Variants in EPHA5 observed in about 807,000 individuals in gnomAD.
EPHA5 encodes the protein EPH receptor A5.
A neutral mutation model predicts 105.0 loss-of-function variants in EPHA5; 60 were observed. That is an observed-to-expected ratio of 0.57 (90% CI 0.46 to 0.71). EPHA5 has a LOEUF of 0.71. EPHA5 is among the 30% of genes least tolerant of loss of function. The pLI, the probability that EPHA5 is intolerant of heterozygous loss-of-function variation, is 0.00. For synonymous variants in EPHA5, 513 were observed against 449.1 expected, an observed-to-expected ratio of 1.14 and a Z score of -1.80; for missense variants, 1,218 against 1,274.7, an observed-to-expected ratio of 0.96 and a Z score of 0.68.
chr4:65,442,010 T>C (rs1434179104), intron 5 of EPHA5, among the ~76,000 whole-genome samples: 5 of 152,156 alleles, frequency 3.3e-5, no homozygotes, highest in Admixed American at 6.6e-5. Context: ...AAGACTTAGA[T>C]GCTATTATTA....
intron 1 of EPHA5, among the ~76,000 whole-genome samples, chr4:65,654,787 T>C (rs986982669): frequency 5.4e-5 from 8 of 147,298 alleles, no homozygotes; most frequent in Non-Finnish European, 9.0e-5. Context: ...ATAGTTTCAT[T>C]CTGTTATAAA....
chr4:65,654,923 G>T (rs1409406638), intron 1 of EPHA5, among the ~76,000 whole-genome samples: 1 of 146,458 alleles, frequency 6.8e-6, no homozygotes, highest in Non-Finnish European at 1.5e-5. Context: ...TTATATGTAT[G>T]TATATAAGCT....
At chr4:65,460,846 G>A (rs1180040966) in intron 5 of EPHA5, among the ~76,000 whole-genome samples, 4 of 151,632 alleles carry the variant, frequency 2.6e-5, no homozygotes, top group Non-Finnish European at 5.9e-5. Flanking sequence ...GGGAGATAGA[G>A]AATTATTTTA....
intron 2 of EPHA5, among the ~76,000 whole-genome samples, chr4:65,628,678 T>G (rs1746360651): frequency 6.6e-6 from 1 of 152,148 alleles, no homozygotes; most frequent in South Asian, 2.1e-4. Flanking sequence ...CTAGAGAAGT[T>G]TGTTTAATGA....
intron 3 of EPHA5, among the ~76,000 whole-genome samples, chr4:65,509,073 G>A (rs1346723013): frequency 6.6e-6 from 1 of 152,056 alleles, no homozygotes; most frequent in African/African-American, 2.4e-5. Flanking sequence ...GGCTAATGAA[G>A]TTCATTTGGT....
At chr4:65,602,487 T>C (rs1014978737) in intron 2 of EPHA5, among the ~76,000 whole-genome samples, 183 bp from the exon 3 acceptor site, 1 of 152,186 alleles carries the variant, frequency 6.6e-6, no homozygotes, top group East Asian at 1.9e-4. Flanking sequence ...ATTTTTATTG[T>C]AATTTTTAAA....
intron 5 of EPHA5, among the ~76,000 whole-genome samples, chr4:65,468,808 A>C (rs538904655): frequency 1.7e-3 from 257 of 151,036 alleles, no homozygotes; most frequent in Non-Finnish European, 2.7e-3. Flanking sequence ...ACTAACACAA[A>C]ATTACACAAA....
At chr4:65,647,461 G>C (rs1038186866) in intron 1 of EPHA5, among the ~76,000 whole-genome samples, 1 of 151,396 alleles carries the variant, frequency 6.6e-6, no homozygotes, top group African/African-American at 2.4e-5. Context: ...TAGTCACTAA[G>C]TATCTTCTGT....
intron 2 of EPHA5, among the ~76,000 whole-genome samples, chr4:65,616,672 A>C: frequency 6.6e-6 from 1 of 152,048 alleles, no homozygotes; most frequent in East Asian, 1.9e-4. Context: ...GAGGCAGACT[A>C]ATGAATGGAG....
At chr4:65,634,233 T>C (rs907659450) in intron 2 of EPHA5, among the ~76,000 whole-genome samples, 12 of 152,230 alleles carry the variant, frequency 7.9e-5, no homozygotes, top group African/African-American at 2.9e-4. Context: ...AAGAATAAAA[T>C]ATTGGCATTA....
chr4:65,479,445 C>T (rs145046868), intron 5 of EPHA5, among the ~76,000 whole-genome samples: 2 of 152,024 alleles, frequency 1.3e-5, no homozygotes, highest in African/African-American at 4.8e-5. Flanking sequence ...TGTATTTCTT[C>T]TGAAATAAAT....
intron 3 of EPHA5, among the ~76,000 whole-genome samples, chr4:65,528,613 G>A (rs897267271): frequency 2.0e-5 from 3 of 152,102 alleles, no homozygotes; most frequent in Non-Finnish European, 2.9e-5. Flanking sequence ...CCAGTGATTT[G>A]CATACTATGT....
chr4:65,347,176 G>A (rs1722302460), intron 14 of EPHA5, among the ~76,000 whole-genome samples: 1 of 14,920 alleles, frequency 6.7e-5, no homozygotes, highest in Non-Finnish European at 5.2e-4. Flanking sequence ...CAGAAATAAT[G>A]CGAGTGAAAA....
At chr4:65,551,254 ATGTGTG>A (rs71657186) in intron 3 of EPHA5, among the ~76,000 whole-genome samples, 6 of 141,596 alleles carry the variant, frequency 4.2e-5, no homozygotes, top group African/African-American at 7.8e-5. Flanking sequence ...ATATTTATAT[ATGTGTG>A]TGTGTGTGTG....
chr4:65,665,804 T>G (rs1365895365), intron 1 of EPHA5, among the ~76,000 whole-genome samples: 1 of 152,190 alleles, frequency 6.6e-6, no homozygotes, highest in African/African-American at 2.4e-5. Flanking sequence ...GGTCCCCTTT[T>G]CATGGTTTAT....
chr4:65,463,914 G>C (rs1050283568), intron 5 of EPHA5, among the ~76,000 whole-genome samples: 1 of 150,104 alleles, frequency 6.7e-6, no homozygotes, highest in Non-Finnish European at 1.5e-5. Context: ...TTAGTAATTT[G>C]GTAAAAATGT....
At position 65,379,727 on chromosome 4, in the gene EPHA5, C is replaced by G. The variant is rs185524554; in HGVS notation, c.1794-12303G>C. On this transcript the variant is annotated intron_variant, in intron 8 of 16. Coordinates refer to ENST00000613740, the MANE Select transcript of EPHA5 (RefSeq NM_001281766.3). ...TCATAATTGATATGACATTACTAGA[C>G]TAAATATTTTTATCCATAATAGAAC... is the stretch of plus-strand genomic sequence containing the variant. Among the ~76,000 whole-genome samples, 52 of 151,712 alleles carry G rather than the reference C, an allele frequency of 3.4e-4. 1 individual carries two copies. In the East Asian group the frequency reaches 9.9e-3, roughly 29 times the overall value.
intron 3 of EPHA5, among the ~76,000 whole-genome samples, chr4:65,588,061 C>A (rs1335293854): frequency 1.3e-5 from 2 of 152,142 alleles, no homozygotes; most frequent in Non-Finnish European, 2.9e-5. Flanking sequence ...TGTCAATTTA[C>A]CACTTTCTAG....
At chr4:65,447,828 A>G (rs1726699207) in intron 5 of EPHA5, among the ~76,000 whole-genome samples, 1 of 152,114 alleles carries the variant, frequency 6.6e-6, no homozygotes, top group Non-Finnish European at 1.5e-5. Context: ...TTACAACAAA[A>G]TGACAAATTT....
Sources: gnomAD v4.1 joint callset for allele counts (sites outside exome capture counted in the v4.1 genomes callset) on GRCh38, gnomAD v4.1.1 for gene constraint, MANE v1.5 for transcripts, NCBI Gene and HGNC (gene_info 2026-07-23, HGNC 2026-07-21) for gene names.